The following SLC24A2 variants were observed in gnomAD, a reference collection of about 807,000 sequenced individuals.
The protein encoded by SLC24A2 is sodium/potassium/calcium exchanger 2.
SLC24A2 carries 36 observed loss-of-function variants against 62.0 expected under a neutral mutation model. The ratio of observed to expected loss-of-function variants is 0.58; its 90% CI spans 0.44 to 0.77. The LOEUF (loss-of-function observed/expected upper bound fraction) is 0.77. Among genes scored for constraint, SLC24A2 ranks in the 30% least tolerant of loss-of-function variants. The pLI is 0.00. For missense variants in SLC24A2, 846 were observed against 817.9 expected (o/e 1.03, Z -0.42); for synonymous variants, 358 against 294.0 (o/e 1.22, Z -2.23).
chr9:19,615,710 A>T (rs887771872), intron 4 of SLC24A2, among the ~76,000 whole-genome samples: 1 of 152,188 alleles, frequency 6.6e-6, no homozygotes, highest in African/African-American at 2.4e-5. Flanking sequence ...TCACCTTGAA[A>T]GCAGGTGCCT....
intron 2 of SLC24A2, among the ~76,000 whole-genome samples, chr9:19,781,239 G>GAAT (rs1823011414): frequency 6.6e-6 from 1 of 152,132 alleles, no homozygotes; most frequent in African/African-American, 2.4e-5. Context: ...AGTAGCAAGA[G>GAAT]AATAGCTTAA....
the SLC24A2 span, among the ~76,000 whole-genome samples, chr9:19,939,922 TCA>T: frequency 6.6e-6 from 1 of 152,234 alleles, no homozygotes; most frequent in Non-Finnish European, 1.5e-5. Context: ...ATGCTCCAAC[TCA>T]CACAGTGTGT....
At chr9:19,560,159 G>T (rs1004209745) in intron 7 of SLC24A2, among the ~76,000 whole-genome samples, 2 of 152,136 alleles carry the variant, frequency 1.3e-5, no homozygotes, top group African/African-American at 4.8e-5. Flanking sequence ...CTTTGAAAAG[G>T]TATGAAAACA....
chr9:19,736,708 C>G (rs570747287), intron 2 of SLC24A2, among the ~76,000 whole-genome samples: 1 of 151,998 alleles, frequency 6.6e-6, no homozygotes, highest in Non-Finnish European at 1.5e-5. Context: ...TAAAACTAGC[C>G]AAGTGTGGTC....
At chr9:20,105,024 CA>C in the SLC24A2 span, among the ~76,000 whole-genome samples, 2 of 151,474 alleles carry the variant, frequency 1.3e-5, no homozygotes, top group African/African-American at 2.4e-5. Context: ...AAATGGAAAA[CA>C]AAAAAAGGTA....
chr9:20,037,308 G>A, the SLC24A2 span, among the ~76,000 whole-genome samples: 2 of 152,130 alleles, frequency 1.3e-5, no homozygotes, highest in African/African-American at 4.8e-5. Flanking sequence ...AGAAAAGTCT[G>A]TACATGTACA....
At chr9:19,865,908 G>C in the SLC24A2 span, among the ~76,000 whole-genome samples, 1 of 152,084 alleles carries the variant, frequency 6.6e-6, no homozygotes, top group Non-Finnish European at 1.5e-5. Context: ...AAATTGAAGA[G>C]ACAACCCACA....
chr9:20,009,980 C>T, the SLC24A2 span, among the ~76,000 whole-genome samples: 1 of 152,128 alleles, frequency 6.6e-6, no homozygotes, highest in Non-Finnish European at 1.5e-5. Flanking sequence ...ACCACAAATT[C>T]CAAACAATAA....
the SLC24A2 span, among the ~76,000 whole-genome samples, chr9:20,223,662 A>C: frequency 6.6e-6 from 1 of 152,170 alleles, no homozygotes; most frequent in Non-Finnish European, 1.5e-5. Flanking sequence ...AGAAAGACCT[A>C]AAAACAGGCC....
At chr9:20,255,092 C>G in the SLC24A2 span, among the ~76,000 whole-genome samples, 2 of 152,120 alleles carry the variant, frequency 1.3e-5, no homozygotes, top group Non-Finnish European at 2.9e-5. Flanking sequence ...CAGAGCCAAA[C>G]CATATCATGA....
the SLC24A2 span, among the ~76,000 whole-genome samples, chr9:20,199,412 G>A: frequency 6.6e-6 from 1 of 152,168 alleles, no homozygotes; most frequent in East Asian, 1.9e-4. Context: ...AAAGCAGAGA[G>A]CGGCTTAATA....
chr9:20,216,008 G>T, the SLC24A2 span, among the ~76,000 whole-genome samples: 2 of 151,984 alleles, frequency 1.3e-5, no homozygotes, highest in African/African-American at 2.4e-5. Flanking sequence ...AATCAGCCTG[G>T]GTCTCCTTCT....
chr9:19,811,703 C>A, the SLC24A2 span, among the ~76,000 whole-genome samples: 5 of 152,222 alleles, frequency 3.3e-5, no homozygotes, highest in East Asian at 9.6e-4. Flanking sequence ...TATGGATTAT[C>A]TTTTACCACT....
chr9:20,234,800 C>T, the SLC24A2 span, among the ~76,000 whole-genome samples: 3 of 152,334 alleles, frequency 2.0e-5, no homozygotes, highest in Admixed American at 2.0e-4. Flanking sequence ...AGGAGAGGCG[C>T]TCTGATTTTT....
At chr9:20,123,442 A>C in the SLC24A2 span, among the ~76,000 whole-genome samples, 2 of 152,360 alleles carry the variant, frequency 1.3e-5, no homozygotes, top group African/African-American at 4.8e-5. Context: ...ATGACAAAGC[A>C]AAGATTCAGA....
chr9:20,215,742 C>G, the SLC24A2 span, among the ~76,000 whole-genome samples: 1 of 152,182 alleles, frequency 6.6e-6, no homozygotes, highest in African/African-American at 2.4e-5. Flanking sequence ...TCCTCTGACC[C>G]TTTTTGGTAA....
chr9:20,038,232 T>G, the SLC24A2 span, among the ~76,000 whole-genome samples: 1 of 152,226 alleles, frequency 6.6e-6, no homozygotes, highest in Non-Finnish European at 1.5e-5. Context: ...CTTGAACAAG[T>G]TAACCTCTAA....
At chr9:19,572,269 A>AT (rs1032665530) in intron 7 of SLC24A2, among the ~76,000 whole-genome samples, 1 of 151,296 alleles carries the variant, frequency 6.6e-6, no homozygotes, top group Non-Finnish European at 1.5e-5. Flanking sequence ...CAAAAAAAAA[A>AT]AAAAAAAAAA....
At chr9:19,769,361 T>C (rs1336669317) in intron 2 of SLC24A2, among the ~76,000 whole-genome samples, 1 of 152,230 alleles carries the variant, frequency 6.6e-6, no homozygotes, top group Non-Finnish European at 1.5e-5. Context: ...ACCCACCTGA[T>C]TCATGGCACC....
Sources: gnomAD v4.1 joint callset for allele counts (sites outside exome capture counted in the v4.1 genomes callset) on GRCh38, gnomAD v4.1.1 for gene constraint, MANE v1.5 for transcripts, NCBI Gene and HGNC (gene_info 2026-07-23, HGNC 2026-07-21) for gene names.